RTN1: variants seen among roughly 807,000 people sequenced by gnomAD.
RTN1 encodes the protein reticulon 1, also known as reticulon-1.
A neutral mutation model predicts 65.5 loss-of-function variants in RTN1; 25 were observed. The ratio of observed to expected loss-of-function variants is 0.38; its 90% confidence interval spans 0.28 to 0.53. RTN1 has a LOEUF of 0.53. Ranked by LOEUF, RTN1 falls within the 20% of genes least tolerant of loss-of-function variation. The pLI, the probability that RTN1 is intolerant of heterozygous loss-of-function variation, is 0.79. For missense variants in RTN1, 983 were observed against 1,025.4 expected (o/e 0.96, Z 0.57); for synonymous variants, 471 against 447.6 (o/e 1.05, Z -0.66).
At chr14:59,662,009 C>T (rs906652184) in intron 3 of RTN1, among the ~76,000 whole-genome samples, 3 of 152,336 alleles carry the variant, frequency 2.0e-5, no homozygotes, top group African/African-American at 7.2e-5. Context: ...ACCCCACTGT[C>T]TCAGCCCAAA....
At chr14:59,653,906 T>A (rs2140201221) in intron 3 of RTN1, among the ~76,000 whole-genome samples, 1 of 152,214 alleles carries the variant, frequency 6.6e-6, no homozygotes, top group Admixed American at 6.5e-5. Context: ...TATTTATTTA[T>A]TTATTTATTT....
At chr14:59,752,883 A>T (rs1885561447) in intron 1 of RTN1, among the ~76,000 whole-genome samples, 1 of 152,212 alleles carries the variant, frequency 6.6e-6, no homozygotes, top group South Asian at 2.1e-4. Flanking sequence ...TCCAACAATG[A>T]AATACAGCAA....
At chr14:59,669,785 G>A (rs1348971663) in intron 3 of RTN1, among the ~76,000 whole-genome samples, 1 of 151,986 alleles carries the variant, frequency 6.6e-6, no homozygotes, top group East Asian at 1.9e-4. Flanking sequence ...TAACCTTAAG[G>A]TTCACACTGC....
intron 3 of RTN1, among the ~76,000 whole-genome samples, chr14:59,691,883 A>G (rs1272801272): frequency 6.6e-6 from 1 of 152,204 alleles, no homozygotes; most frequent in Non-Finnish European, 1.5e-5. Flanking sequence ...AAAATCCAAC[A>G]TTGCTTTATG....
At position 59,727,513 on chromosome 14, in the gene RTN1, C is replaced by T. The variant is rs770537807; in HGVS notation, c.1171G>A (p.Gly391Arg). 2.5e-6 allele frequency: 4 copies of T among 1,601,688 alleles called. No individual in the cohort carries two copies. The highest frequency in any genetic ancestry group is 3.4e-5 in the Admixed American group (2 of 58,588). Residue 391 changes from glycine to arginine, a missense_variant, in exon 3 of 9, where the codon GGA becomes AGA. By Grantham distance (125) the Gly-to-Arg change is moderately radical. This residue lies in a region of RTN1 where 818 missense variants were observed against 801.8 expected (regional missense o/e 1.02). Transcript: ENST00000267484. The surrounding 1 kb of genome is among the most constrained non-coding windows in gnomAD (Gnocchi z 4.2). ...AGGGGGCTGGGGATGGTTGGCGGTC[C>T]GGACCTGGCCTTGACCTCGGGCCTG... is the stretch of plus-strand genomic sequence containing the variant. Reference protein sequence around the residue: ...ADRPEVKARSGPPTIPSPLDH... With the variant: ...ADRPEVKARSRPPTIPSPLDH...
intron 3 of RTN1, among the ~76,000 whole-genome samples, chr14:59,701,440 T>C (rs773396350): frequency 2.5e-4 from 38 of 152,080 alleles, no homozygotes; most frequent in Admixed American, 6.6e-5. Context: ...AAATGATGAG[T>C]GGATAAATCA....
chr14:59,832,468 G>C (rs1215498226), intron 1 of RTN1, among the ~76,000 whole-genome samples: 4 of 152,294 alleles, frequency 2.6e-5, no homozygotes, highest in Non-Finnish European at 5.9e-5. Flanking sequence ...ACTTGCACCT[G>C]TCAGCAATTC....
chr14:59,753,850 T>C (rs1885580049), intron 1 of RTN1, among the ~76,000 whole-genome samples: 1 of 152,194 alleles, frequency 6.6e-6, no homozygotes, highest in Non-Finnish European at 1.5e-5. Context: ...AGACTAGACA[T>C]TGCCACATAA....
At chr14:59,798,138 T>A (rs1886472798) in intron 1 of RTN1, among the ~76,000 whole-genome samples, 1 of 152,178 alleles carries the variant, frequency 6.6e-6, no homozygotes, top group South Asian at 2.1e-4. Flanking sequence ...GCAATTGATG[T>A]GTCTGAATTT....
intron 2 of RTN1, among the ~76,000 whole-genome samples, chr14:59,742,305 C>T (rs146514733): frequency 6.6e-6 from 1 of 152,166 alleles, no homozygotes; most frequent in African/African-American, 2.4e-5. Context: ...ACACCCAGGA[C>T]CATCATAATA....
chr14:59,630,610 G>A, intron 3 of RTN1: 1 of 1,575,558 alleles, frequency 6.3e-7, no homozygotes, highest in African/African-American at 1.3e-5. Flanking sequence ...TGGCCGCGCG[G>A]CTGCGGAGAG....
intron 3 of RTN1, among the ~76,000 whole-genome samples, chr14:59,717,624 G>C (rs754211222): frequency 2.2e-4 from 34 of 152,196 alleles, no homozygotes; most frequent in Non-Finnish European, 3.5e-4. Flanking sequence ...GTGGAGAGAT[G>C]TTAGGTAGCA....
chr14:59,627,436 T>G (rs1329130748), intron 3 of RTN1, among the ~76,000 whole-genome samples: 1 of 152,214 alleles, frequency 6.6e-6, no homozygotes, highest in Non-Finnish European at 1.5e-5. Flanking sequence ...ACAGGTTTTG[T>G]GGGGACTAAA....
intron 1 of RTN1, among the ~76,000 whole-genome samples, chr14:59,822,855 A>G (rs998164973): frequency 4.6e-5 from 7 of 151,404 alleles, no homozygotes; most frequent in African/African-American, 1.5e-4. Context: ...GCTGTGGTCC[A>G]AGAGTATGGT....
At chr14:59,726,775 C>A (rs892751316) in intron 3 of RTN1, 144 bp downstream of exon 3, 15 of 720,020 alleles carry the variant, frequency 2.1e-5, no homozygotes, top group Non-Finnish European at 2.9e-5. Flanking sequence ...TCATCTCCTC[C>A]CATCCCCCCT....
At chr14:59,604,472 C>T (rs1595108689) in intron 5 of RTN1, 1 of 152,472 alleles carries the variant, frequency 6.6e-6, no homozygotes, top group Non-Finnish European at 1.5e-5. Context: ...CCTGTTCTGG[C>T]CCACAATTTT....
At chr14:59,629,080 T>C (rs1322500114) in intron 3 of RTN1, among the ~76,000 whole-genome samples, 1 of 152,244 alleles carries the variant, frequency 6.6e-6, no homozygotes. Flanking sequence ...AGCTGCCTTC[T>C]ATATTGAACA....
chr14:59,828,598 A>G (rs1423551661), intron 1 of RTN1, among the ~76,000 whole-genome samples: 1 of 152,202 alleles, frequency 6.6e-6, no homozygotes, highest in Non-Finnish European at 1.5e-5. Context: ...CCCCAAAACC[A>G]GATGTCAGTG....
chr14:59,813,629 GAAA>G (rs1886768967), intron 1 of RTN1, among the ~76,000 whole-genome samples: 1 of 151,914 alleles, frequency 6.6e-6, no homozygotes, highest in South Asian at 2.1e-4. Flanking sequence ...TGTAATTCCG[GAAA>G]AAAGAGTGTG....
Sources: allele counts gnomAD v4.1 joint callset (sites outside exome capture counted in the v4.1 genomes callset), GRCh38; gene constraint gnomAD v4.1.1; regional missense constraint gnomAD v4.1.1; non-coding constraint Gnocchi (gnomAD v3.1); transcripts MANE v1.5; gene names NCBI Gene and HGNC (gene_info 2026-07-23, HGNC 2026-07-21).